Variants in PPP6R2 observed in about 807,000 individuals in gnomAD.
The protein encoded by PPP6R2 is serine/threonine-protein phosphatase 6 regulatory subunit 2.
A neutral mutation model predicts 100.2 loss-of-function variants in PPP6R2; 62 were observed. That is an observed-to-expected ratio of 0.62 (90% CI 0.50 to 0.76). The LOEUF (loss-of-function observed/expected upper bound fraction) is 0.76. PPP6R2 is among the 30% of genes least tolerant of loss of function. The pLI is 0.00. For missense variants in PPP6R2, 1,142 were observed against 1,276.3 expected, an observed-to-expected ratio of 0.89 and a Z score of 1.60; for synonymous variants, 525 against 514.7, an observed-to-expected ratio of 1.02 and a Z score of -0.27.
chr22:50,435,899 G>T (rs578158197), intron 13 of PPP6R2, among the ~76,000 whole-genome samples: 1 of 152,316 alleles, frequency 6.6e-6, no homozygotes, highest in Non-Finnish European at 1.5e-5. Context: ...TCCAGATTGT[G>T]AATCCTTCCA....
the PPP6R2 span, among the ~76,000 whole-genome samples, chr22:50,330,956 A>G: frequency 1.2e-4 from 18 of 152,254 alleles, no homozygotes; most frequent in African/African-American, 3.8e-4. Flanking sequence ...TTTTCGTCCC[A>G]TAAGACTCAT....
chr22:50,395,016 G>C (rs2056481231), intron 3 of PPP6R2, among the ~76,000 whole-genome samples: 2 of 151,894 alleles, frequency 1.3e-5, no homozygotes, highest in Non-Finnish European at 2.9e-5. Flanking sequence ...TGTTTTGAGT[G>C]GCAATATGTT....
At chr22:50,438,510 C>T (rs2064884110) in intron 18 of PPP6R2, 89 bp from the exon 19 acceptor site, 7 of 1,508,116 alleles carry the variant, frequency 4.6e-6, no homozygotes, top group Middle Eastern at 2.4e-4. Context: ...CTGTGCTCAC[C>T]CTCAGCCCCG....
intron 1 of PPP6R2, among the ~76,000 whole-genome samples, chr22:50,358,998 C>T (rs762353029): frequency 9.8e-6 from 1 of 101,706 alleles, no homozygotes; most frequent in South Asian, 4.6e-4. Flanking sequence ...CCGCCCCCCC[C>T]CCCCCCCCAA....
rs950240066 is a variant in PPP6R2, at chr22:50,432,909, C to T, written c.1400+580C>T. Among the ~76,000 whole-genome samples the T allele has an allele frequency of 4.6e-5, 7 of 152,302 alleles. No individual in the cohort carries two copies. In the South Asian group the frequency reaches 8.3e-4, roughly 18 times the overall value. On this transcript the variant is annotated intron_variant, in intron 12 of 23. Transcript: ENST00000612753. ...GCTGGGCTGTACAGCATGGAGGTCC[C>T]GCCCAACCCTCCCCTTGGGGTGCTG...
At chr22:50,406,926 C>A in intron 4 of PPP6R2, 51 bp downstream of exon 4, 1 of 1,537,064 alleles carries the variant, frequency 6.5e-7, no homozygotes, top group Non-Finnish European at 9.0e-7. Flanking sequence ...ATGGTGGATG[C>A]TGACGTGTCC....
At chr22:50,370,752 G>A (rs556639858) in intron 1 of PPP6R2, among the ~76,000 whole-genome samples, 2 of 152,000 alleles carry the variant, frequency 1.3e-5, no homozygotes, top group African/African-American at 4.8e-5. Context: ...TCCTGCCTCA[G>A]CCTCCCGAGT....
chr22:50,411,821 G>A (rs1054318298), intron 4 of PPP6R2, among the ~76,000 whole-genome samples: 10 of 151,926 alleles, frequency 6.6e-5, no homozygotes, highest in South Asian at 4.2e-4. Flanking sequence ...CGAGGCGGGC[G>A]GATCACAAGG....
At chr22:50,422,176 A>G (rs2061427259) in intron 8 of PPP6R2, 78 bp from the exon 9 acceptor site, 3 of 1,543,364 alleles carry the variant, frequency 1.9e-6, no homozygotes, top group African/African-American at 2.8e-5. Flanking sequence ...TTCTGGAAGA[A>G]GCGGGTGCAC....
intron 1 of PPP6R2, among the ~76,000 whole-genome samples, chr22:50,356,049 G>A (rs1225055180): frequency 3.3e-5 from 5 of 149,274 alleles, no homozygotes; most frequent in Admixed American, 1.3e-4. Context: ...TGCAAGCTCC[G>A]CCTCCCAGGT....
At chr22:50,369,023 G>A (rs1463537046) in intron 1 of PPP6R2, among the ~76,000 whole-genome samples, 1 of 152,188 alleles carries the variant, frequency 6.6e-6, no homozygotes, top group Non-Finnish European at 1.5e-5. Context: ...CGGATCAGCT[G>A]AGGTTGGGAG....
intron 1 of PPP6R2, among the ~76,000 whole-genome samples, chr22:50,360,704 C>CA (rs749049900): frequency 4.5e-4 from 69 of 152,250 alleles, no homozygotes; most frequent in Middle Eastern, 3.4e-3. Context: ...CGAGGAGCCA[C>CA]AGAGAAGCTG....
chr22:50,337,620 T>G, the PPP6R2 span, among the ~76,000 whole-genome samples: 3 of 114,216 alleles, frequency 2.6e-5, no homozygotes, highest in Non-Finnish European at 4.7e-5. Context: ...GTGTGCTGTG[T>G]GCGGTATGTG....
intron 2 of PPP6R2, among the ~76,000 whole-genome samples, chr22:50,380,467 T>C (rs2052632944): frequency 6.6e-6 from 1 of 151,348 alleles, no homozygotes; most frequent in African/African-American, 2.4e-5. Flanking sequence ...TTCAAGTGAT[T>C]CTCCTGCTTC....
chr22:50,423,863 C>T lies in PPP6R2; in HGVS notation c.1125+249C>T, dbSNP rs1252624024. Among the ~76,000 whole-genome samples the T allele has an allele frequency of 6.6e-6, 1 of 152,194 alleles. No homozygotes were observed. Among genetic ancestry groups the T allele is most frequent in the Non-Finnish European group, 1.5e-5 (1 of 68,046 alleles). ...GTAGAATTGCCCTGAAAGCAGAAGG[C>T]GGATTTCTAACCCGGTTTGATGGAA... On this transcript the variant is annotated intron_variant, in intron 10 of 23. Transcript: ENST00000612753. The surrounding 1 kb of genome is among the most constrained non-coding windows in gnomAD (Gnocchi z 4.8).
At chr22:50,357,435 CTTTTTT>C (rs1315232155) in intron 1 of PPP6R2, among the ~76,000 whole-genome samples, 1 of 150,510 alleles carries the variant, frequency 6.6e-6, no homozygotes. Flanking sequence ...TTTTCTTTTT[CTTTTTT>C]CTCTCTCTTT....
At chr22:50,391,586 C>T (rs917339714) in intron 2 of PPP6R2, among the ~76,000 whole-genome samples, 1 of 151,846 alleles carries the variant, frequency 6.6e-6, no homozygotes, top group African/African-American at 2.4e-5. Context: ...GACAACATGG[C>T]GAAACACCAT....
At chr22:50,356,440 C>G (rs1313260359) in intron 1 of PPP6R2, among the ~76,000 whole-genome samples, 1 of 151,670 alleles carries the variant, frequency 6.6e-6, no homozygotes, top group East Asian at 1.9e-4. Flanking sequence ...GTAGCTGGGA[C>G]TGCAGGTACA....
upstream of PPP6R2, among the ~76,000 whole-genome samples, chr22:50,339,688 GTGAT>G (rs2147829941): frequency 7.4e-6 from 1 of 136,038 alleles, no homozygotes; most frequent in South Asian, 2.7e-4. Flanking sequence ...TGTGTGTGGT[GTGAT>G]TGGTGTGTAG....
Sources: gnomAD v4.1 joint callset for allele counts (sites outside exome capture counted in the v4.1 genomes callset) on GRCh38, gnomAD v4.1.1 for gene constraint, Gnocchi (gnomAD v3.1) non-coding constraint, MANE v1.5 for transcripts, NCBI Gene and HGNC (gene_info 2026-07-23, HGNC 2026-07-21) for gene names.